The following ADAMTS6 variants were observed in gnomAD, a reference collection of about 807,000 sequenced individuals.
ADAMTS6 encodes ADAM metallopeptidase with thrombospondin type 1 motif 6.
Under a neutral mutation model 144.3 loss-of-function variants are expected in ADAMTS6, and 23 were observed. That is an observed-to-expected ratio of 0.16 (90% CI 0.11 to 0.23). The LOEUF is 0.23. ADAMTS6 is among the 10% of genes least tolerant of loss of function. ADAMTS6 has a pLI of 1.00. For synonymous variants in ADAMTS6, 444 were observed against 457.5 expected, an observed-to-expected ratio of 0.97 and a Z score of 0.38; for missense variants, 999 against 1,379.6, an observed-to-expected ratio of 0.72 and a Z score of 4.37.
At chr5:65,327,130 G>T (rs2150053417) in intron 9 of ADAMTS6, among the ~76,000 whole-genome samples, 1 of 152,182 alleles carries the variant, frequency 6.6e-6, no homozygotes, top group South Asian at 2.1e-4. Context: ...TTGTTTAAAA[G>T]AGCACAGCAT....
chr5:65,210,922 C>T (rs567416983), intron 20 of ADAMTS6: 7 of 270,382 alleles, frequency 2.6e-5, no homozygotes, highest in Admixed American at 8.0e-5. Flanking sequence ...GTGGAACCAT[C>T]CCAAAATGTC....
At chr5:65,184,803 C>T in intron 22 of ADAMTS6, among the ~76,000 whole-genome samples, 1 of 147,884 alleles carries the variant, frequency 6.8e-6, no homozygotes, top group South Asian at 2.1e-4. Flanking sequence ...GGTAATTTAA[C>T]TTTTTTTTTT....
chr5:65,408,378 A>C (rs1754756884), intron 7 of ADAMTS6, among the ~76,000 whole-genome samples: 1 of 152,204 alleles, frequency 6.6e-6, no homozygotes, highest in South Asian at 2.1e-4. Context: ...ACTTTAAACC[A>C]ACAAAGATCA....
intron 7 of ADAMTS6, among the ~76,000 whole-genome samples, chr5:65,405,294 C>T (rs1754348113): frequency 6.6e-6 from 1 of 152,182 alleles, no homozygotes; most frequent in Admixed American, 6.5e-5. Flanking sequence ...ACATTTCAGT[C>T]TTTAATCCAT....
intron 22 of ADAMTS6, among the ~76,000 whole-genome samples, chr5:65,184,939 T>C (rs553202131): frequency 6.6e-5 from 10 of 152,278 alleles, no homozygotes; most frequent in Admixed American, 6.5e-4. Context: ...TGCTGCAATA[T>C]GTTTTCACCA....
intron 7 of ADAMTS6, among the ~76,000 whole-genome samples, chr5:65,341,529 C>T (rs1747825261): frequency 6.6e-6 from 1 of 151,816 alleles, no homozygotes; most frequent in Non-Finnish European, 1.5e-5. Flanking sequence ...ACAACAGACA[C>T]CACAGAAACA....
At chr5:65,343,968 A>T (rs1185253515) in intron 7 of ADAMTS6, among the ~76,000 whole-genome samples, 1 of 151,968 alleles carries the variant, frequency 6.6e-6, no homozygotes, top group African/African-American at 2.4e-5. Context: ...AACATCACTA[A>T]TCGTCATGCT....
At chr5:65,306,558 G>A (rs1561403138) in intron 9 of ADAMTS6, among the ~76,000 whole-genome samples, 1 of 152,148 alleles carries the variant, frequency 6.6e-6, no homozygotes, top group Non-Finnish European at 1.5e-5. Context: ...CACTGCTCTA[G>A]GATAGATGTG....
At chr5:65,452,269 G>T in intron 5 of ADAMTS6, 53 bp from the exon 6 acceptor site, 1 of 1,536,680 alleles carries the variant, frequency 6.5e-7, no homozygotes, top group East Asian at 2.3e-5. Flanking sequence ...ATTATAGGGT[G>T]ATAGTTTGGT....
At chr5:65,301,544 G>C (rs1204529965) in intron 9 of ADAMTS6, among the ~76,000 whole-genome samples, 1 of 152,168 alleles carries the variant, frequency 6.6e-6, no homozygotes, top group African/African-American at 2.4e-5. Context: ...GAAGATTTCT[G>C]AGTCAGGGAA....
intron 1 of ADAMTS6, among the ~76,000 whole-genome samples, chr5:65,477,283 A>T (rs550505381): frequency 7.9e-5 from 12 of 152,294 alleles, no homozygotes; most frequent in African/African-American, 2.9e-4. Context: ...TATACTTTAG[A>T]TTATAATCTT....
chr5:65,299,771 T>C (rs541814169), intron 10 of ADAMTS6, among the ~76,000 whole-genome samples: 1 of 152,230 alleles, frequency 6.6e-6, no homozygotes, highest in East Asian at 1.9e-4. Flanking sequence ...TCAGTCCCAC[T>C]TACATCCTTA....
At chr5:65,275,379 G>C (rs908714224) in intron 11 of ADAMTS6, among the ~76,000 whole-genome samples, 37 of 127,624 alleles carry the variant, frequency 2.9e-4, no homozygotes, top group African/African-American at 1.1e-3. Flanking sequence ...AAGAAAGAAA[G>C]AAAGAAAGAA....
intron 1 of ADAMTS6, among the ~76,000 whole-genome samples, chr5:65,476,188 C>G (rs770613147): frequency 2.6e-5 from 4 of 152,162 alleles, no homozygotes; most frequent in Non-Finnish European, 5.9e-5. Flanking sequence ...AGTCCAACAG[C>G]ATGCAAGAAA....
chr5:65,336,064 T>C (rs1747276463), intron 7 of ADAMTS6, among the ~76,000 whole-genome samples: 1 of 152,126 alleles, frequency 6.6e-6, no homozygotes, highest in Non-Finnish European at 1.5e-5. Context: ...AAACATTGAA[T>C]GCTAAACCAG....
chr5:65,236,834 GA>G (rs1758709041), intron 15 of ADAMTS6, among the ~76,000 whole-genome samples: 1 of 151,864 alleles, frequency 6.6e-6, no homozygotes, highest in South Asian at 2.1e-4. Flanking sequence ...TAATAAGCTA[GA>G]AAAAAGACAA....
Position 65,427,654 on chromosome 5 carries a change from C to T in ADAMTS6, c.1073+23821G>A, listed in dbSNP as rs141253160. 8.0e-3 allele frequency among the ~76,000 whole-genome samples: 1,204 copies of T among 151,378 alleles called. 10 individuals carry two copies. The highest frequency in any genetic ancestry group is 0.011 in the Non-Finnish European group (771 of 67,790). On this transcript the variant is annotated intron_variant, in intron 7 of 24. Transcript: ENST00000381055. Reference sequence around the variant, plus strand: ...TCTACTAAAAATACAAAAAATAAGCCGGGCGTGGTGGCGGGTGCCTGTAGT... The same window carrying T: ...TCTACTAAAAATACAAAAAATAAGCTGGGCGTGGTGGCGGGTGCCTGTAGT...
At chr5:65,443,150 G>C (rs1367847257) in intron 7 of ADAMTS6, among the ~76,000 whole-genome samples, 2 of 152,136 alleles carry the variant, frequency 1.3e-5, no homozygotes, top group Non-Finnish European at 2.9e-5. Context: ...ACATGTGCAT[G>C]TATCTTTATA....
At chr5:65,191,215 G>C (rs897858029) in intron 21 of ADAMTS6, among the ~76,000 whole-genome samples, 1 of 151,916 alleles carries the variant, frequency 6.6e-6, no homozygotes, top group African/African-American at 2.4e-5. Context: ...ATTCATGTTC[G>C]AGTGTCTGAA....
Sources: allele counts gnomAD v4.1 joint callset (sites outside exome capture counted in the v4.1 genomes callset), GRCh38; gene constraint gnomAD v4.1.1; transcripts MANE v1.5; gene names NCBI Gene and HGNC (gene_info 2026-07-23, HGNC 2026-07-21).